The following LINGO2 variants were observed in gnomAD, a reference collection of about 807,000 sequenced individuals.
LINGO2 encodes the protein leucine rich repeat and Ig domain containing 2, also known as leucine-rich repeat and immunoglobulin-like domain-containing nogo receptor-interacting protein 2.
LINGO2 carries 14 observed loss-of-function variants against 30.6 expected under a neutral mutation model. The observed-to-expected ratio is 0.46, with a 90% confidence interval of 0.30 to 0.72. LINGO2 has a LOEUF of 0.72. LINGO2 is among the 30% of genes least tolerant of loss of function. LINGO2 has a pLI of 0.07. For missense variants in LINGO2, 729 were observed against 751.7 expected (o/e 0.97, Z 0.35); for synonymous variants, 317 against 288.5 (o/e 1.10, Z -1.00).
At chr9:28,319,483 G>A (rs1291795756) in intron 3 of LINGO2, among the ~76,000 whole-genome samples, 2 of 151,390 alleles carry the variant, frequency 1.3e-5, no homozygotes, top group African/African-American at 2.4e-5. Context: ...AGATTTATAA[G>A]TTTCAGGGAT....
At chr9:28,884,486 A>G in the LINGO2 span, among the ~76,000 whole-genome samples, 3 of 152,104 alleles carry the variant, frequency 2.0e-5, no homozygotes, top group Non-Finnish European at 2.9e-5. Flanking sequence ...AATTTTTGAA[A>G]TGTAAAAAAT....
chr9:28,077,084 C>T (rs777888791), intron 4 of LINGO2, among the ~76,000 whole-genome samples: 2 of 151,918 alleles, frequency 1.3e-5, no homozygotes, highest in African/African-American at 4.8e-5. Flanking sequence ...GTTTCTACCC[C>T]ATAGAAAACT....
intron 5 of LINGO2, among the ~76,000 whole-genome samples, chr9:28,004,769 G>A (rs1822177006): frequency 6.6e-6 from 1 of 152,178 alleles, no homozygotes; most frequent in East Asian, 1.9e-4. Flanking sequence ...GTAGCAGAAT[G>A]AGAAAGAGAC....
chr9:28,076,105 C>A (rs1332876995), intron 4 of LINGO2, among the ~76,000 whole-genome samples: 2 of 151,990 alleles, frequency 1.3e-5, no homozygotes, highest in Non-Finnish European at 2.9e-5. Flanking sequence ...GTCTTAATTA[C>A]TATTGTTTTA....
chr9:28,187,928 T>A (rs1326714479), intron 4 of LINGO2, among the ~76,000 whole-genome samples: 6 of 152,206 alleles, frequency 3.9e-5, no homozygotes, highest in Non-Finnish European at 8.8e-5. Flanking sequence ...GCCTTTTAAT[T>A]CCAAACTATG....
intron 4 of LINGO2, among the ~76,000 whole-genome samples, chr9:28,045,971 C>T (rs962663250): frequency 1.3e-5 from 2 of 152,150 alleles, no homozygotes; most frequent in Non-Finnish European, 2.9e-5. Context: ...CTCTTCATTT[C>T]CTCATGTGTC....
At chr9:28,867,051 C>G in the LINGO2 span, among the ~76,000 whole-genome samples, 3 of 152,062 alleles carry the variant, frequency 2.0e-5, no homozygotes, top group African/African-American at 7.2e-5. Flanking sequence ...AATATCAGCT[C>G]TATTTAAAAT....
At chr9:28,057,592 C>CATATATATACACATATATGTATATAT (rs1824994174) in intron 4 of LINGO2, among the ~76,000 whole-genome samples, 1 of 145,598 alleles carries the variant, frequency 6.9e-6, no homozygotes, top group African/African-American at 2.5e-5. Flanking sequence ...TATGTATATA[C>CATATATATACACATATATGTATATAT]ATATATATAC....
At chr9:29,069,250 T>G in the LINGO2 span, among the ~76,000 whole-genome samples, 1 of 152,130 alleles carries the variant, frequency 6.6e-6, no homozygotes, top group East Asian at 1.9e-4. Flanking sequence ...AGTTATATTT[T>G]GACTTGAAAT....
chr9:28,759,588 A>G, the LINGO2 span, among the ~76,000 whole-genome samples: 1 of 151,904 alleles, frequency 6.6e-6, no homozygotes, highest in East Asian at 1.9e-4. Flanking sequence ...AGGCTGAGGC[A>G]GGAGAATGGC....
chr9:29,103,134 C>T, the LINGO2 span, among the ~76,000 whole-genome samples: 1 of 152,076 alleles, frequency 6.6e-6, no homozygotes, highest in Non-Finnish European at 1.5e-5. Context: ...TAATTCTATT[C>T]ACAGCACCAC....
At chr9:28,104,262 G>GTTTTTTTTTTTTT (rs1364642044) in intron 4 of LINGO2, among the ~76,000 whole-genome samples, 1 of 55,798 alleles carries the variant, frequency 1.8e-5, no homozygotes, top group Non-Finnish European at 3.4e-5. Context: ...CAAGTTTTTT[G>GTTTTTTTTTTTTT]TTTGTTTTTT....
At chr9:28,561,871 G>C (rs1823104489) in intron 1 of LINGO2, among the ~76,000 whole-genome samples, 1 of 150,266 alleles carries the variant, frequency 6.7e-6, no homozygotes. Context: ...TACACAGTGA[G>C]GATGAAGCAC....
chr9:28,788,140 A>G, the LINGO2 span, among the ~76,000 whole-genome samples: 1 of 152,214 alleles, frequency 6.6e-6, no homozygotes, highest in Non-Finnish European at 1.5e-5. Flanking sequence ...TACAAAAGAC[A>G]GATATTTCCT....
intron 1 of LINGO2, among the ~76,000 whole-genome samples, chr9:28,652,289 A>G (rs1358004813): frequency 6.6e-6 from 1 of 152,058 alleles, no homozygotes; most frequent in Non-Finnish European, 1.5e-5. Flanking sequence ...TAGACTATTA[A>G]TTGTGATTTT....
At chr9:28,712,539 T>C in the LINGO2 span, among the ~76,000 whole-genome samples, 11 of 151,382 alleles carry the variant, frequency 7.3e-5, no homozygotes, top group African/African-American at 2.4e-4. Context: ...AAAAATTACT[T>C]AAATTATTTG....
At chr9:29,193,360 G>A in the LINGO2 span, among the ~76,000 whole-genome samples, 1 of 151,860 alleles carries the variant, frequency 6.6e-6, no homozygotes, top group African/African-American at 2.4e-5. Context: ...CACTCCATTT[G>A]TCTCCACTCA....
At chr9:28,074,196 T>G (rs1825559690) in intron 4 of LINGO2, among the ~76,000 whole-genome samples, 1 of 152,160 alleles carries the variant, frequency 6.6e-6, no homozygotes, top group African/African-American at 2.4e-5. Context: ...TTTAAAAAGG[T>G]GTCATCTATT....
At chr9:28,009,623 C>A (rs1822454379) in intron 5 of LINGO2, among the ~76,000 whole-genome samples, 1 of 152,082 alleles carries the variant, frequency 6.6e-6, no homozygotes, top group African/African-American at 2.4e-5. Flanking sequence ...TATTCAACAT[C>A]ATTAGCCATC....
Sources: gnomAD v4.1 joint callset for allele counts (sites outside exome capture counted in the v4.1 genomes callset) on GRCh38, gnomAD v4.1.1 for gene constraint, MANE v1.5 for transcripts, NCBI Gene and HGNC (gene_info 2026-07-23, HGNC 2026-07-21) for gene names.